Variants in ZYX observed in about 807,000 individuals in gnomAD.
ZYX encodes the protein zyxin-2.
Under a neutral mutation model 58.1 loss-of-function variants are expected in ZYX, and 37 were observed. The observed-to-expected ratio is 0.64, with a 90% CI of 0.49 to 0.84. The LOEUF (loss-of-function observed/expected upper bound fraction) is 0.84, where lower values mean the gene tolerates loss of function less well. Among genes scored for constraint, ZYX ranks in the 40% least tolerant of loss-of-function variants. The probability of loss-of-function intolerance (pLI) is 0.00; values close to 1 mark genes in which losing one functional copy is unlikely to be tolerated. For missense variants in ZYX, 762 were observed against 761.6 expected (o/e 1.00, Z -0.01); for synonymous variants, 324 against 321.1 (o/e 1.01, Z -0.10).
Position 143,388,988 on chromosome 7 carries a change from G to A in ZYX, c.1493+43G>A, listed in dbSNP as rs768726675. 20 of 1,575,872 alleles carry A rather than the reference G, an allele frequency of 1.3e-5. No homozygotes were observed. The South Asian group carries it at 2.1e-4, about 16-fold the overall frequency. On this transcript the variant is annotated intron_variant, in intron 8 of 9. Transcript: ENST00000322764. The surrounding 1 kb of genome is among the most constrained non-coding windows in gnomAD (Gnocchi z 7.5). ...GCCTTCTGGGTTCCCGGCGTGCTTG[G>A]TCTGGTAGCCCGGCTGCTTGCTACC...
chr7:143,386,859 G>A (rs1804883026), intron 5 of ZYX, among the ~76,000 whole-genome samples: 2 of 152,216 alleles, frequency 1.3e-5, no homozygotes, highest in African/African-American at 4.8e-5. Flanking sequence ...ATGGACGGAA[G>A]TTTGGTTTGA....
chr7:143,390,735 A>C lies in ZYX; in HGVS notation c.*53A>C. 1.5e-6 allele frequency: 2 copies of C among 1,335,514 alleles called. No individual in the cohort carries two copies. 82.7% of individuals were successfully genotyped at this position (1,335,514 alleles called of 1,614,324 possible). ...GTCCATGCCCCATTGTGGACCACCC[A>C]CACTGAGACCACCTGCCCCCACCTC... On this transcript the variant is annotated 3_prime_UTR_variant, in exon 10 of 10. Coordinates refer to ENST00000322764, the MANE Select transcript of ZYX (RefSeq NM_003461.5). This position sits in a 1 kb window ranked among gnomAD's most constrained non-coding sequence, Gnocchi z 4.3.
In ZYX at chr7:143,390,544, C is replaced by T. The variant is rs759794259; in HGVS notation, c.1615-34C>T. The T allele has an allele frequency of 5.4e-5, 81 of 1,486,944 alleles. 1 individual carries two copies. Among genetic ancestry groups the T allele is most frequent in the South Asian group, 2.5e-4 (21 of 82,700 alleles). 92.1% of individuals were successfully genotyped at this position (1,486,944 alleles called of 1,614,324 possible). Reference sequence around the variant, plus strand: ...AGGGTGGAGCAGAGCAGGGGCCTTCCGGTCCAGTGCCCCTCACCCTTCCTT... The same window carrying T: ...AGGGTGGAGCAGAGCAGGGGCCTTCTGGTCCAGTGCCCCTCACCCTTCCTT... On this transcript the variant is annotated intron_variant, in intron 9 of 9. Coordinates refer to ENST00000322764, the MANE Select transcript of ZYX (RefSeq NM_003461.5). The surrounding 1 kb of genome is among the most constrained non-coding windows in gnomAD (Gnocchi z 4.3).
At chr7:143,381,856 T>G (rs1358571284) in intron 2 of ZYX, 77 bp downstream of exon 2, 2 of 1,368,020 alleles carry the variant, frequency 1.5e-6, no homozygotes, top group East Asian at 2.5e-5. Context: ...TTTGGGGATG[T>G]CTGGAAAGGT....
chr7:143,383,313 C>G lies in ZYX; in HGVS notation c.1014C>G (p.Asn338Lys), dbSNP rs1260319325. ...KQHPVPPPAQ[N>K]QNQVRSPGAP... ...ACCCCGTGCCCCCACCGGCTCAGAACCAAAACCAGGTGAGGGATGGTGATA... is the reference window on the plus strand; with the variant it reads ...ACCCCGTGCCCCCACCGGCTCAGAAGCAAAACCAGGTGAGGGATGGTGATA... Residue 338 changes from asparagine (N) to lysine (K), a missense_variant, in exon 5 of 10, where the codon AAC (asparagine) becomes AAG (lysine). Physicochemically the swap from Asn to Lys is moderately conservative, Grantham distance 94. Coordinates refer to ENST00000322764, the MANE Select transcript of ZYX (RefSeq NM_003461.5). 3 of 1,602,330 alleles carry G rather than the reference C, an allele frequency of 1.9e-6. No homozygotes were observed. Among genetic ancestry groups the G allele is most frequent in the Non-Finnish European group, 2.6e-6 (3 of 1,174,996 alleles).
In ZYX at chr7:143,390,399, G is replaced by A; in HGVS notation, c.1615-179G>A. On this transcript the variant is annotated intron_variant, in intron 9 of 9. Transcript: ENST00000322764. The surrounding 1 kb of genome is among the most constrained non-coding windows in gnomAD (Gnocchi z 4.3). The stretch of plus-strand genomic sequence containing the variant: ...CTTGCCCTCTTGCAGGAAGGTCCTA[G>A]TGGGTGACTGGAAGTAGGATAGGGA... 1.6e-6 allele frequency: 1 copy of A among 611,416 alleles called. No individual in the cohort carries two copies. The highest frequency in any genetic ancestry group is 2.9e-6 in the Non-Finnish European group (1 of 342,758). The allele number at this position is 611,416 out of a possible 1,614,324, so 37.9% of individuals were successfully genotyped here. A position where few individuals can be genotyped will look rare whatever the true frequency, so the allele number is the denominator to read the frequency against.
At position 143,382,256 on chromosome 7, in the gene ZYX, C is replaced by G; in HGVS notation, c.217C>G (p.Leu73Val). 1 of 1,612,504 alleles carries G rather than the reference C, an allele frequency of 6.2e-7. No homozygotes were observed. Among genetic ancestry groups the G allele is most frequent in the Non-Finnish European group, 8.5e-7 (1 of 1,179,398 alleles). Residue 73 changes from leucine (L) to valine (V), a missense_variant, in exon 3 of 10, where the codon CTG (leucine) becomes GTG (valine). Leu to Val is a conservative substitution (Grantham distance 32). Transcript: ENST00000322764. ...IPPPPPEDFP[L>V]PPPPLAGDGD... The stretch of plus-strand genomic sequence containing the variant: ...TCTCCTTCCTACCCCAGACTTTCCC[C>G]TGCCTCCACCTCCCCTTGCTGGGGA...
intron 3 of ZYX, 28 bp downstream of exon 3, chr7:143,382,475 A>C (rs771317282): frequency 6.3e-7 from 1 of 1,588,146 alleles, no homozygotes; most frequent in Non-Finnish European, 8.6e-7. Flanking sequence ...GGGCGGCTGC[A>C]CTGGACACCC....
At position 143,382,618 on chromosome 7, in the gene ZYX, A is replaced by G. The variant is rs1259156386; in HGVS notation, c.434A>G (p.Asp145Gly). 1 of 1,613,872 alleles carries G rather than the reference A, an allele frequency of 6.2e-7. No homozygotes were observed. The highest frequency in any genetic ancestry group is 8.5e-7 in the Non-Finnish European group (1 of 1,179,994). ...CCCAGGGAGAAGGTGAGCAGTATTG[A>G]TTTGGAGATCGACTCTCTGTCCTCA... ...PQPREKVSSI[D>G]LEIDSLSSLL... The change falls in exon 4 of 10, where the codon GAT becomes GGT. Residue 145 changes from aspartate (D) to glycine (G), a missense_variant. Coordinates refer to ENST00000322764, the MANE Select transcript of ZYX (RefSeq NM_003461.5).
chr7:143,382,971 TCAGCCC>T lies in ZYX; in HGVS notation c.685_690del (p.Gln229_Pro230del), dbSNP rs754385562. On this transcript the variant is annotated inframe_deletion, in exon 5 of 10. Coordinates refer to ENST00000322764, the MANE Select transcript of ZYX (RefSeq NM_003461.5). Reference sequence around the variant, plus strand: ...CTCAGAGCCAGACACAGTTCCATGTTCAGCCCCAGCCCCAGCCCAAGCCTCAGGTCC... The same window carrying T: ...CTCAGAGCCAGACACAGTTCCATGTTCAGCCCCAGCCCAAGCCTCAGGTCC... 19 of 1,613,478 alleles carry T rather than the reference TCAGCCC, an allele frequency of 1.2e-5. No homozygotes were observed. The highest frequency in any genetic ancestry group is 2.2e-5 in the East Asian group (1 of 44,882).
At chr7:143,383,461 T>A in intron 5 of ZYX, 139 bp downstream of exon 5, 1 of 1,137,528 alleles carries the variant, frequency 8.8e-7, no homozygotes, top group Non-Finnish European at 1.2e-6. Flanking sequence ...GGAATTTTCA[T>A]CCTCTGGGGT....
chr7:143,383,031 T>G lies in ZYX; in HGVS notation c.732T>G (p.Pro244=). 4 of 1,614,096 alleles carry G rather than the reference T, an allele frequency of 2.5e-6. No homozygotes were observed. The highest frequency in any genetic ancestry group is 2.5e-6 in the Non-Finnish European group (3 of 1,179,986). The change falls in exon 5 of 10, where the codon CCT becomes CCG. Residue 244 remains proline (P), a synonymous_variant. Coordinates refer to ENST00000322764, the MANE Select transcript of ZYX (RefSeq NM_003461.5). ...VQLHVQSQTQ[P]VSLANTQPRG... ...TCCATGTCCAGTCCCAGACCCAGCC[T>G]GTGTCTTTGGCTAACACCCAGCCCC...
chr7:143,381,521 C>A, intron 1 of ZYX, 36 bp from the exon 2 acceptor site: 2 of 1,572,066 alleles, frequency 1.3e-6, no homozygotes, highest in Middle Eastern at 1.9e-4. Context: ...CTCCTGAGCC[C>A]GGCTCCGCGC....
At position 143,388,388 on chromosome 7, in the gene ZYX, G is replaced by T; in HGVS notation, c.1144+49G>T. ...CCCCACCCTGCCCCCACATCACGGT[G>T]GGGGCCAGGGCTGTGGCTCCACTCC... On this transcript the variant is annotated intron_variant, in intron 6 of 9. Transcript: ENST00000322764. This position sits in a 1 kb window ranked among gnomAD's most constrained non-coding sequence, Gnocchi z 7.5. 6.2e-7 allele frequency: 1 copy of T among 1,611,240 alleles called. No homozygotes were observed. The highest frequency in any genetic ancestry group is 8.5e-7 in the Non-Finnish European group (1 of 1,178,322).
Position 143,383,144 on chromosome 7 carries a change from C to T in ZYX, c.845C>T (p.Pro282Leu), listed in dbSNP as rs763565313. ...ACTCCTGTGGCTTCCAAGTTCAGTC[C>T]TGGAGCCCCAGGTGGATCTGGGTCA... ...KFTPVASKFS[P>L]GAPGGSGSQP... Residue 282 changes from proline (P) to leucine (L), a missense_variant, in exon 5 of 10, where the codon CCT becomes CTT. Coordinates refer to ENST00000322764, the MANE Select transcript of ZYX (RefSeq NM_003461.5). 2 of 1,614,224 alleles carry T rather than the reference C, an allele frequency of 1.2e-6. No homozygotes were observed. The highest frequency in any genetic ancestry group is 1.7e-6 in the Non-Finnish European group (2 of 1,180,044).
chr7:143,390,758 C>A lies in ZYX; in HGVS notation c.*76C>A. 1 of 1,125,860 alleles carries A rather than the reference C, an allele frequency of 8.9e-7. No homozygotes were observed. The highest frequency in any genetic ancestry group is 1.3e-6 in the Non-Finnish European group (1 of 769,292). 69.7% of individuals were successfully genotyped at this position (1,125,860 alleles called of 1,614,324 possible). On this transcript the variant is annotated 3_prime_UTR_variant, in exon 10 of 10. Transcript: ENST00000322764. This position sits in a 1 kb window ranked among gnomAD's most constrained non-coding sequence, Gnocchi z 4.3. Reference sequence around the variant, plus strand: ...CCACACTGAGACCACCTGCCCCCACCTCAGTTATTGTTTTGATGTCTAGCC... The same window carrying A: ...CCACACTGAGACCACCTGCCCCCACATCAGTTATTGTTTTGATGTCTAGCC...
Position 143,383,121 on chromosome 7 carries a change from T to A in ZYX, c.822T>A (p.Thr274=), listed in dbSNP as rs780870682. The A allele has an allele frequency of 5.0e-6, 8 of 1,614,230 alleles. No individual in the cohort carries two copies. Among genetic ancestry groups the A allele is most frequent in the Non-Finnish European group, 4.2e-6 (5 of 1,180,042 alleles). ...TTTCTCCAGTGACTCCTAAGTTTAC[T>A]CCTGTGGCTTCCAAGTTCAGTCCTG... ...PKFSPVTPKF[T]PVASKFSPGA... Residue 274 remains threonine, a synonymous_variant, in exon 5 of 10, where the codon ACT becomes ACA. Transcript: ENST00000322764.
chr7:143,384,982 G>C lies in ZYX; in HGVS notation c.1023+1660G>C, dbSNP rs140782698. ...ATGTCTAGCATGGTAGTGGGGCACA[G>C]TGACACTGTGACGCTGGAGGGTCAG... On this transcript the variant is annotated intron_variant, in intron 5 of 9. Transcript: ENST00000322764. This position sits in a 1 kb window ranked among gnomAD's most constrained non-coding sequence, Gnocchi z 4.9. Among the ~76,000 whole-genome samples, 1 of 152,288 alleles carries C rather than the reference G, an allele frequency of 6.6e-6. No individual in the cohort carries two copies. Among genetic ancestry groups the C allele is most frequent in the African/African-American group, 2.4e-5 (1 of 41,540 alleles).
Position 143,383,157 on chromosome 7 carries a change from T to C in ZYX, c.858T>C (p.Gly286=). The C allele has an allele frequency of 6.2e-7, 1 of 1,614,202 alleles. No homozygotes were observed. The highest frequency in any genetic ancestry group is 8.5e-7 in the Non-Finnish European group (1 of 1,180,046). The change falls in exon 5 of 10, where the codon GGT becomes GGC. Residue 286 remains glycine (G), a synonymous_variant. Transcript: ENST00000322764. ...VASKFSPGAP[G]GSGSQPNQKL... is the part of the protein sequence containing the mutation. ...CCAAGTTCAGTCCTGGAGCCCCAGG[T>C]GGATCTGGGTCACAACCAAATCAAA...
Sources: gnomAD v4.1 joint callset for allele counts (sites outside exome capture counted in the v4.1 genomes callset) on GRCh38, gnomAD v4.1.1 for gene constraint, Gnocchi (gnomAD v3.1) non-coding constraint, MANE v1.5 for transcripts, NCBI Gene and HGNC (gene_info 2026-07-23, HGNC 2026-07-21) for gene names.